SAMD4B: variants seen among roughly 807,000 people sequenced by gnomAD.
SAMD4B encodes sterile alpha motif domain containing 4B.
SAMD4B carries 5 observed loss-of-function variants against 74.5 expected under a neutral mutation model. The ratio of observed to expected loss-of-function variants is 0.07; its 90% confidence interval spans 0.04 to 0.14. SAMD4B has a LOEUF of 0.14. Ranked by LOEUF, SAMD4B falls within the 10% of genes least tolerant of loss-of-function variation. SAMD4B has a pLI of 1.00. For missense variants in SAMD4B, 608 were observed against 921.8 expected (o/e 0.66, Z 4.41); for synonymous variants, 373 against 374.9 (o/e 1.00, Z 0.06).
chr19:39,367,988 G>A lies in SAMD4B; in HGVS notation c.197-1667G>A, dbSNP rs897108897. Among the ~76,000 whole-genome samples, 15 of 151,626 alleles carry A rather than the reference G, an allele frequency of 9.9e-5. No individual in the cohort carries two copies. In the East Asian group the frequency reaches 2.9e-3, roughly 30 times the overall value. On this transcript the variant is annotated intron_variant, in intron 3 of 13. Transcript: ENST00000610417. ...CCAGCACTTTGGGAGGCTGAGGCGG[G>A]TGGATCACGAGGTCAGGAGATCGAG...
chr19:39,350,220 T>C (rs1214031134), intron 1 of SAMD4B: 1 of 152,180 alleles, frequency 6.6e-6, no homozygotes, highest in Non-Finnish European at 1.5e-5. Flanking sequence ...TGCGCGGTAT[T>C]TTTAAATACA....
At chr19:39,347,508 G>T (rs2075772572) in intron 1 of SAMD4B, among the ~76,000 whole-genome samples, 1 of 152,174 alleles carries the variant, frequency 6.6e-6, no homozygotes, top group Non-Finnish European at 1.5e-5. Flanking sequence ...TCTGCTCTGT[G>T]ATTGTTTGGG....
At chr19:39,379,124 G>A (rs1210356333) in intron 9 of SAMD4B, among the ~76,000 whole-genome samples, 1 of 151,548 alleles carries the variant, frequency 6.6e-6, no homozygotes, top group East Asian at 1.9e-4. Context: ...CTGACCTCAA[G>A]TGATCCTTCC....
chr19:39,351,086 A>T (rs895176903), intron 1 of SAMD4B: 1 of 151,854 alleles, frequency 6.6e-6, no homozygotes, highest in Non-Finnish European at 1.5e-5. Context: ...GGCTCAAGTG[A>T]TTCTCCCGCC....
rs532760027 is a variant in SAMD4B at position 39,346,479 on chromosome 19, A to G, written c.-267+3903A>G. 7.2e-5 allele frequency among the ~76,000 whole-genome samples: 11 copies of G among 152,346 alleles called. No individual in the cohort carries two copies. The South Asian group carries it at 2.1e-3, about 29-fold the overall frequency. ...TGCCAGCTGCACTTTAGTGACCTAC[A>G]GAGTAATAATAATAATGACCACTGG... On this transcript the variant is annotated intron_variant, in intron 1 of 13. Transcript: ENST00000610417.
intron 4 of SAMD4B, among the ~76,000 whole-genome samples, chr19:39,370,454 A>G (rs1308961789): frequency 3.3e-5 from 5 of 152,230 alleles, no homozygotes; most frequent in Admixed American, 3.3e-4. Context: ...CAACTCAACA[A>G]GATCTGTTTT....
At chr19:39,344,403 A>G (rs1022689148) in intron 1 of SAMD4B, among the ~76,000 whole-genome samples, 2 of 151,408 alleles carry the variant, frequency 1.3e-5, no homozygotes, top group African/African-American at 4.9e-5. Flanking sequence ...CTGTCATCCC[A>G]CTCCAGGACC....
At chr19:39,349,826 C>G (rs1262378483) in intron 1 of SAMD4B, 1 of 152,216 alleles carries the variant, frequency 6.6e-6, no homozygotes, top group Admixed American at 6.5e-5. Context: ...AGGCTGGTCT[C>G]AAACTCCTGG....
intron 3 of SAMD4B, among the ~76,000 whole-genome samples, chr19:39,368,397 G>A (rs1363757606): frequency 6.6e-6 from 1 of 152,118 alleles, no homozygotes; most frequent in African/African-American, 2.4e-5. Context: ...GGAGGTTGTT[G>A]CGGGCCAAAA....
In SAMD4B at chr19:39,356,873, C is replaced by A; in HGVS notation, c.-21C>A. 6.3e-7 allele frequency: 1 copy of A among 1,594,302 alleles called. No individual in the cohort carries two copies. The highest frequency in any genetic ancestry group is 8.6e-7 in the Non-Finnish European group (1 of 1,166,754). On this transcript the variant is annotated 5_prime_UTR_variant, in exon 3 of 14. Transcript: ENST00000610417. ...GCCCTCGCCACCGCCGTCCCCCGAC[C>A]CTGGCCCCAGGCCCGGCACCATGAT...
chr19:39,366,940 G>T (rs539842888), intron 3 of SAMD4B, among the ~76,000 whole-genome samples: 1 of 152,162 alleles, frequency 6.6e-6, no homozygotes, highest in Non-Finnish European at 1.5e-5. Context: ...TAGAATCTCT[G>T]TGTGTATCTG....
downstream of SAMD4B, chr19:39,390,262 C>T (rs763059906): frequency 1.9e-6 from 3 of 1,613,822 alleles, no homozygotes; most frequent in Non-Finnish European, 2.5e-6. Context: ...GGGCTCACCT[C>T]TCAGGCAGAG....
chr19:39,379,137 C>A (rs1202555072), intron 9 of SAMD4B, among the ~76,000 whole-genome samples: 3 of 151,932 alleles, frequency 2.0e-5, no homozygotes, highest in African/African-American at 7.3e-5. Flanking sequence ...ATCCTTCCAC[C>A]TCAGCCTCCC....
At position 39,356,902 on chromosome 19, in the gene SAMD4B, C is replaced by T. The variant is rs1437171067; in HGVS notation, c.9C>T (p.Phe3=). The change falls in exon 3 of 14, where the codon TTC becomes TTT. Residue 3 remains phenylalanine, a synonymous_variant. Coordinates refer to ENST00000610417, the MANE Select transcript of SAMD4B (RefSeq NM_001384574.2). ...GCCCCAGGCCCGGCACCATGATGTTCCGAGACCAGGTGGGCATCCTCGCTG... is the reference window on the plus strand; with the variant it reads ...GCCCCAGGCCCGGCACCATGATGTTTCGAGACCAGGTGGGCATCCTCGCTG... MM[F]RDQVGILAGW... is the part of the protein sequence containing the mutation. 3 of 1,609,888 alleles carry T rather than the reference C, an allele frequency of 1.9e-6. No individual in the cohort carries two copies. The highest frequency in any genetic ancestry group is 2.5e-6 in the Non-Finnish European group (3 of 1,177,438).
downstream of SAMD4B, chr19:39,386,847 A>C (rs371018460): frequency 1.5e-6 from 2 of 1,301,482 alleles, no homozygotes; most frequent in African/African-American, 2.9e-5. This position sits in a 1 kb window ranked among gnomAD's most constrained non-coding sequence, Gnocchi z 6.1. Flanking sequence ...GCAGTTAAAG[A>C]CACACCTCCC....
At chr19:39,389,962 A>T, downstream of SAMD4B, 1 of 1,065,054 alleles carries the variant, frequency 9.4e-7, no homozygotes, top group Non-Finnish European at 1.4e-6. The surrounding 1 kb of genome is among the most constrained non-coding windows in gnomAD (Gnocchi z 5.3). Context: ...ACTATGTGCT[A>T]GGGTAGGTAC....
At chr19:39,372,434 A>T (rs1296653802) in intron 4 of SAMD4B, among the ~76,000 whole-genome samples, 1 of 152,154 alleles carries the variant, frequency 6.6e-6, no homozygotes, top group Non-Finnish European at 1.5e-5. Flanking sequence ...TGAAGGCTAC[A>T]TTCTGGGGGG....
chr19:39,390,036 TACC>T, downstream of SAMD4B: 1 of 1,533,370 alleles, frequency 6.5e-7, no homozygotes, highest in Non-Finnish European at 9.0e-7. Context: ...AAGGAACTCA[TACC>T]TGAGTAGTTT....
Position 39,381,130 on chromosome 19 carries a change from T to A in SAMD4B, c.1972+17T>A. The A allele has an allele frequency of 6.3e-7, 1 of 1,578,538 alleles. No homozygotes were observed. The highest frequency in any genetic ancestry group is 1.2e-5 in the South Asian group (1 of 85,768). ...TCCCTCCAGGTGAGGTGCCCCACCC[T>A]TGGGACTCTGCCTGGCCAACATCCT... On this transcript the variant is annotated intron_variant, in intron 12 of 13. Transcript: ENST00000610417.
Sources: gnomAD v4.1 joint callset for allele counts (sites outside exome capture counted in the v4.1 genomes callset) on GRCh38, gnomAD v4.1.1 for gene constraint, Gnocchi (gnomAD v3.1) non-coding constraint, MANE v1.5 for transcripts, NCBI Gene and HGNC (gene_info 2026-07-23, HGNC 2026-07-21) for gene names.